UBXN7: variants seen among roughly 807,000 people sequenced by gnomAD.
UBXN7 encodes UBX domain-containing protein 7.
UBXN7 carries 9 observed loss-of-function variants against 58.0 expected under a neutral mutation model. The ratio of observed to expected loss-of-function variants is 0.16; its 90% confidence interval spans 0.09 to 0.27. The LOEUF (loss-of-function observed/expected upper bound fraction) is 0.27, where lower values mean the gene tolerates loss of function less well. Among genes scored for constraint, UBXN7 ranks in the 10% least tolerant of loss-of-function variants. The probability of loss-of-function intolerance (pLI) is 1.00; values close to 1 mark genes in which losing one functional copy is unlikely to be tolerated. For missense variants in UBXN7, 328 were observed against 599.6 expected, an observed-to-expected ratio of 0.55 and a Z score of 4.73; for synonymous variants, 208 against 205.0, an observed-to-expected ratio of 1.01 and a Z score of -0.12.
chr3:196,370,854 CTA>C (rs1321937303), intron 6 of UBXN7, among the ~76,000 whole-genome samples: 17 of 96,452 alleles, frequency 1.8e-4, no homozygotes, highest in Non-Finnish European at 2.6e-4. Flanking sequence ...GACCCCATCT[CTA>C]CAAAAAAAAA....
At chr3:196,376,624 C>T (rs1365599924) in intron 5 of UBXN7, among the ~76,000 whole-genome samples, 2 of 150,436 alleles carry the variant, frequency 1.3e-5, no homozygotes, top group South Asian at 2.1e-4. Flanking sequence ...TTCACATTTT[C>T]GGCTACATAT....
rs79617806 is a variant in UBXN7, at chr3:196,370,281, G to T, written c.616-770C>A. On this transcript the variant is annotated intron_variant, in intron 6 of 10. Transcript: ENST00000296328. ...ACGAGAAGTTTTTTTGTTTTTTTTT[G>T]TTTGTTTGTTTGTTTTTAAATTAGC... 7.9e-3 allele frequency among the ~76,000 whole-genome samples: 278 copies of T among 35,122 alleles called. 2 individuals carry two copies. Among genetic ancestry groups the T allele is most frequent in the Middle Eastern group, 0.052 (5 of 96 alleles). 23.0% of individuals were successfully genotyped at this position (35,122 alleles called of 152,430 possible). A position where few individuals can be genotyped will look rare whatever the true frequency, so the allele number is the denominator to read the frequency against.
At chr3:196,396,604 A>C (rs529809048) in intron 3 of UBXN7, among the ~76,000 whole-genome samples, 1 of 151,852 alleles carries the variant, frequency 6.6e-6, no homozygotes, top group African/African-American at 2.4e-5. Flanking sequence ...CTACTAAAAA[A>C]TAGAAAAAAT....
chr3:196,407,431 A>G, intron 1 of UBXN7, 38 bp from the exon 2 acceptor site: 1 of 1,560,628 alleles, frequency 6.4e-7, no homozygotes, highest in Non-Finnish European at 8.6e-7. Context: ...GTTAAAAAAA[A>G]AAAAAAAAAA....
intron 3 of UBXN7, among the ~76,000 whole-genome samples, chr3:196,401,860 G>GAGAAGAGAAGAGAAGAGAAGAGAAA (rs1730004875): frequency 6.7e-6 from 1 of 149,624 alleles, no homozygotes; most frequent in Non-Finnish European, 1.5e-5. Context: ...GAGAAGAGAA[G>GAGAAGAGAAGAGAAGAGAAGAGAAA]AAAAACTACC....
At position 196,347,671 on chromosome 3, in the gene UBXN7, GT is replaced by G. The variant is rs1728116266; in HGVS notation, c.*9013del. 1 of 152,010 alleles carries G rather than the reference GT, an allele frequency of 6.6e-6. No homozygotes were observed. The highest frequency in any genetic ancestry group is 6.6e-5 in the Admixed American group (1 of 15,264). The allele number at this position is 152,010 out of a possible 1,614,324, so 9.4% of individuals were successfully genotyped here. A position where few individuals can be genotyped will look rare whatever the true frequency, so the allele number is the denominator to read the frequency against. On this transcript the variant is annotated 3_prime_UTR_variant, in exon 11 of 11. Transcript: ENST00000296328. ...ACACAAAAAAAACTAATACTGAAAA[GT>G]TTTTGTTTTTATTTCCAAGATCAAA...
At position 196,392,588 on chromosome 3, in the gene UBXN7, A is replaced by C. The variant is rs1379287310; in HGVS notation, c.356-663T>G. ...GAGGCTGAGATGTGCGGATCACCTG[A>C]GGTCAGGAGTTCAAGGCCAGCCTGG... is the stretch of plus-strand genomic sequence containing the variant. On this transcript the variant is annotated intron_variant, in intron 4 of 10. Coordinates refer to ENST00000296328, the MANE Select transcript of UBXN7 (RefSeq NM_015562.2). 2.0e-5 allele frequency among the ~76,000 whole-genome samples: 3 copies of C among 151,884 alleles called. No homozygotes were observed. In the East Asian group the frequency reaches 5.8e-4, roughly 29 times the overall value.
At chr3:196,430,249 G>A (rs1286578835) in intron 1 of UBXN7, among the ~76,000 whole-genome samples, 8 of 151,888 alleles carry the variant, frequency 5.3e-5, no homozygotes, top group African/African-American at 1.9e-4. Context: ...CAGCTACTCG[G>A]GAGGCTGAGA....
rs1053992168 is a variant in UBXN7, at chr3:196,396,243, A to G, written c.290-2624T>C. Among the ~76,000 whole-genome samples, 30 of 150,466 alleles carry G rather than the reference A, an allele frequency of 2.0e-4. 2 individuals carry two copies. Among genetic ancestry groups the G allele is most frequent in the African/African-American group, 7.2e-4 (29 of 40,238 alleles). On this transcript the variant is annotated intron_variant, in intron 3 of 10. Transcript: ENST00000296328. ...ACATGGCCTCTAGCAGGAATAATATAGCCTGCCAAAGAATGCCTCTAAAAC... is the reference window on the plus strand; with the variant it reads ...ACATGGCCTCTAGCAGGAATAATATGGCCTGCCAAAGAATGCCTCTAAAAC...
At chr3:196,406,449 T>C (rs542357362) in intron 2 of UBXN7, among the ~76,000 whole-genome samples, 22 of 152,194 alleles carry the variant, frequency 1.4e-4, no homozygotes, top group African/African-American at 5.3e-4. Flanking sequence ...TTATTTTTAT[T>C]ATTTTTTTGA....
At chr3:196,400,998 G>A (rs931483921) in intron 3 of UBXN7, among the ~76,000 whole-genome samples, 3 of 151,776 alleles carry the variant, frequency 2.0e-5, no homozygotes, top group Middle Eastern at 3.4e-3. Context: ...AGTCCAGAAA[G>A]CACTTCATTA....
chr3:196,431,061 A>T (rs1317624401), intron 1 of UBXN7, among the ~76,000 whole-genome samples: 1 of 152,246 alleles, frequency 6.6e-6, no homozygotes, highest in Non-Finnish European at 1.5e-5. Context: ...GCAAAAAAAT[A>T]AAACTTGCTT....
rs564086971 is a variant in UBXN7, at chr3:196,377,686, A to G, written c.469-5644T>C. On this transcript the variant is annotated intron_variant, in intron 5 of 10. Transcript: ENST00000296328. ...TTTATTCTCCTTTTTTTTTCTTTTG[A>G]GACAGGGTCTCACTGTGTTGCTCAG... 1.9e-4 allele frequency among the ~76,000 whole-genome samples: 29 copies of G among 151,650 alleles called. 1 individual carries two copies. Among genetic ancestry groups the G allele is most frequent in the African/African-American group, 6.3e-4 (26 of 41,316 alleles).
At position 196,349,864 on chromosome 3, in the gene UBXN7, G is replaced by A. The variant is rs541716165; in HGVS notation, c.*6821C>T. On this transcript the variant is annotated 3_prime_UTR_variant, in exon 11 of 11. Transcript: ENST00000296328. Reference sequence around the variant, plus strand: ...AGTTAGATTAATAACTTCTTTTGATGAGAAAAAATATTACTTAGGTTTAGT... The same window carrying A: ...AGTTAGATTAATAACTTCTTTTGATAAGAAAAAATATTACTTAGGTTTAGT... 14 of 152,292 alleles carry A rather than the reference G, an allele frequency of 9.2e-5. No individual in the cohort carries two copies. Among genetic ancestry groups the A allele is most frequent in the East Asian group, 5.8e-4 (3 of 5,192 alleles). 9.4% of individuals were successfully genotyped at this position (152,292 alleles called of 1,614,324 possible).
intron 1 of UBXN7, among the ~76,000 whole-genome samples, chr3:196,412,969 CAA>C (rs1474128611): frequency 6.6e-6 from 1 of 152,054 alleles, no homozygotes; most frequent in Non-Finnish European, 1.5e-5. Context: ...TTTTACAAAA[CAA>C]AGAGTTATAG....
intron 3 of UBXN7, among the ~76,000 whole-genome samples, chr3:196,401,352 A>T (rs2108851618): frequency 6.9e-6 from 1 of 145,590 alleles, no homozygotes; most frequent in Non-Finnish European, 1.5e-5. Context: ...TACAAAAAAT[A>T]AAAATTAAAA....
At chr3:196,381,856 T>C (rs1463338337) in intron 5 of UBXN7, among the ~76,000 whole-genome samples, 1 of 152,144 alleles carries the variant, frequency 6.6e-6, no homozygotes, top group Non-Finnish European at 1.5e-5. Context: ...TAAGCTTCAA[T>C]AGCTGATTTG....
In UBXN7 at chr3:196,347,962, G is replaced by A. The variant is rs1728125247; in HGVS notation, c.*8723C>T. 1 of 151,348 alleles carries A rather than the reference G, an allele frequency of 6.6e-6. No individual in the cohort carries two copies. The highest frequency in any genetic ancestry group is 1.5e-5 in the Non-Finnish European group (1 of 67,984). The allele number at this position is 151,348 out of a possible 1,614,324, so 9.4% of individuals were successfully genotyped here. A position where few individuals can be genotyped will look rare whatever the true frequency, so the allele number is the denominator to read the frequency against. ...AGACCAAACCAGAGGATCCCCAACT[G>A]ACAGCAAGATCCTCCTTCTGGAAAT... On this transcript the variant is annotated 3_prime_UTR_variant, in exon 11 of 11. Transcript: ENST00000296328.
chr3:196,393,849 G>A (rs1428374958), intron 3 of UBXN7: 4 of 313,644 alleles, frequency 1.3e-5, no homozygotes, highest in East Asian at 5.3e-5. Context: ...GATTCATATG[G>A]TGCCTTCCCT....
Sources: gnomAD v4.1 joint callset for allele counts (sites outside exome capture counted in the v4.1 genomes callset) on GRCh38, gnomAD v4.1.1 for gene constraint, MANE v1.5 for transcripts, NCBI Gene and HGNC (gene_info 2026-07-23, HGNC 2026-07-21) for gene names.